The following SLC7A2 variants were observed in gnomAD, a reference collection of about 807,000 sequenced individuals.
SLC7A2 encodes the protein solute carrier family 7 member 2, also known as cationic amino acid transporter 2.
A neutral mutation model predicts 58.9 loss-of-function variants in SLC7A2; 48 were observed. The observed-to-expected ratio is 0.82, with a 90% CI of 0.65 to 1.04. The LOEUF (loss-of-function observed/expected upper bound fraction) is 1.04. Among genes scored for constraint, SLC7A2 ranks in the 50% least tolerant of loss-of-function variants. The probability of loss-of-function intolerance (pLI) is 0.00; values close to 1 mark genes in which losing one functional copy is unlikely to be tolerated. For missense variants in SLC7A2, 1,029 were observed against 818.8 expected (o/e 1.26, Z -3.13); for synonymous variants, 363 against 314.5 (o/e 1.15, Z -1.63).
At chr8:17,503,826 C>A (rs1189555948) in intron 2 of SLC7A2, among the ~76,000 whole-genome samples, 1 of 152,104 alleles carries the variant, frequency 6.6e-6, no homozygotes, top group Non-Finnish European at 1.5e-5. Context: ...AATTCACCAG[C>A]AAGTTTTAAG....
intron 2 of SLC7A2, among the ~76,000 whole-genome samples, chr8:17,506,991 C>G (rs1452588957): frequency 6.8e-6 from 1 of 148,040 alleles, no homozygotes; most frequent in African/African-American, 2.5e-5. Flanking sequence ...TGTTGCCAGG[C>G]TGGAGTGCAA....
chr8:17,545,392 T>C (rs1401601301), intron 4 of SLC7A2, among the ~76,000 whole-genome samples: 1 of 150,918 alleles, frequency 6.6e-6, no homozygotes, highest in Admixed American at 6.6e-5. Context: ...TTTTAACTAT[T>C]TGAACATTTT....
rs1803431749 is a variant in SLC7A2, at chr8:17,569,827, T to G, written c.*4681T>G. 6.6e-6 allele frequency: 1 copy of G among 152,190 alleles called. No homozygotes were observed. Among genetic ancestry groups the G allele is most frequent in the Non-Finnish European group, 1.5e-5 (1 of 68,060 alleles). The allele number at this position is 152,190 out of a possible 1,614,324, so 9.4% of individuals were successfully genotyped here. On this transcript the variant is annotated 3_prime_UTR_variant, in exon 13 of 13. Transcript: ENST00000494857. Reference sequence around the variant, plus strand: ...TCGCTGGGTCTTAAAGAGCTTTCCCTAGCCACTGACAGCCCCGTGGAGATC... The same window carrying G: ...TCGCTGGGTCTTAAAGAGCTTTCCCGAGCCACTGACAGCCCCGTGGAGATC...
In SLC7A2 at chr8:17,568,110, T is replaced by G. The variant is rs558122140; in HGVS notation, c.*2964T>G. 1.1e-4 allele frequency: 16 copies of G among 152,284 alleles called. No homozygotes were observed. The South Asian group carries it at 3.3e-3, about 32-fold the overall frequency. The allele number at this position is 152,284 out of a possible 1,614,324, so 9.4% of individuals were successfully genotyped here. ...ATTATATAAAGTCTTCTCCAGTAATTAAGAAATACATATGCAAATTCTTTT... is the reference window on the plus strand; with the variant it reads ...ATTATATAAAGTCTTCTCCAGTAATGAAGAAATACATATGCAAATTCTTTT... On this transcript the variant is annotated 3_prime_UTR_variant, in exon 13 of 13. Transcript: ENST00000494857.
Position 17,551,874 on chromosome 8 carries a change from C to A in SLC7A2, c.943C>A (p.Pro315Thr), listed in dbSNP as rs1173202317. The A allele has an allele frequency of 1.2e-6, 2 of 1,613,800 alleles. No individual in the cohort carries two copies. The highest frequency in any genetic ancestry group is 4.5e-5 in the East Asian group (2 of 44,816). Residue 315 changes from proline (P) to threonine (T), a missense_variant, in exon 7 of 13, where the codon CCG (proline) becomes ACG (threonine). Physicochemically the swap from Pro to Thr is conservative, Grantham distance 38. Transcript: ENST00000494857. ...CTCTGCAGCTTTAACACTTATGATG[C>A]CGTACTACCTCCTCGATGAAAAAAG... ...GVSAALTLMM[P>T]YYLLDEKSPL...
chr8:17,541,111 G>A (rs1801893713), intron 2 of SLC7A2, among the ~76,000 whole-genome samples: 1 of 152,092 alleles, frequency 6.6e-6, no homozygotes, highest in Admixed American at 6.5e-5. Flanking sequence ...TTTTCAGTTG[G>A]CAGTGGTTCC....
At chr8:17,537,134 G>A (rs1435345275) in intron 2 of SLC7A2, among the ~76,000 whole-genome samples, 6 of 152,158 alleles carry the variant, frequency 3.9e-5, no homozygotes, top group East Asian at 1.9e-4. Flanking sequence ...TTGGCTCACC[G>A]CAACCTCTGC....
intron 2 of SLC7A2, among the ~76,000 whole-genome samples, chr8:17,514,939 C>T (rs997153491): frequency 2.0e-5 from 3 of 152,088 alleles, no homozygotes; most frequent in Non-Finnish European, 4.4e-5. Context: ...GATAAAACAG[C>T]GTTTCATTTC....
In SLC7A2 at chr8:17,566,712, C is replaced by G. The variant is rs1803281730; in HGVS notation, c.*1566C>G. 2 of 152,030 alleles carry G rather than the reference C, an allele frequency of 1.3e-5. No homozygotes were observed. The highest frequency in any genetic ancestry group is 6.5e-5 in the Admixed American group (1 of 15,268). The allele number at this position is 152,030 out of a possible 1,614,324, so 9.4% of individuals were successfully genotyped here. ...AAGATTCTCTAATTGTCATATTTTA[C>G]TTTTTAGGATTCCCTAATAGTGGAC... On this transcript the variant is annotated 3_prime_UTR_variant, in exon 13 of 13. Coordinates refer to ENST00000494857, the MANE Select transcript of SLC7A2 (RefSeq NM_001370338.1).
intron 2 of SLC7A2, among the ~76,000 whole-genome samples, chr8:17,537,433 C>T (rs538509524): frequency 3.0e-4 from 46 of 152,270 alleles, no homozygotes; most frequent in African/African-American, 1.1e-3. Flanking sequence ...CTTCAGCCTG[C>T]ACTAGACCAT....
At chr8:17,539,872 T>C (rs912848498) in intron 2 of SLC7A2, among the ~76,000 whole-genome samples, 3 of 152,208 alleles carry the variant, frequency 2.0e-5, no homozygotes, top group African/African-American at 7.2e-5. Context: ...GGGATGTTTT[T>C]CTTGGGCAGT....
chr8:17,532,232 A>AAAAAAAAAAAC (rs1289577218), intron 2 of SLC7A2, among the ~76,000 whole-genome samples: 30 of 36,928 alleles, frequency 8.1e-4, no homozygotes, highest in Non-Finnish European at 1.1e-3. Context: ...TCTATCTCAA[A>AAAAAAAAAAAC]AAAAAAAAAA....
intron 10 of SLC7A2, among the ~76,000 whole-genome samples, chr8:17,560,847 A>G (rs1046392001): frequency 1.3e-4 from 20 of 152,224 alleles, no homozygotes; most frequent in African/African-American, 3.1e-4. Context: ...ACCCCTGCCA[A>G]TAACCTGACT....
chr8:17,535,376 C>G (rs1294800910), intron 2 of SLC7A2, among the ~76,000 whole-genome samples: 1 of 152,114 alleles, frequency 6.6e-6, no homozygotes, highest in East Asian at 1.9e-4. Flanking sequence ...GAAGACCTCT[C>G]TAACTACCTG....
chr8:17,526,023 A>AT (rs1248973175), intron 2 of SLC7A2, among the ~76,000 whole-genome samples: 2 of 152,154 alleles, frequency 1.3e-5, no homozygotes, highest in African/African-American at 2.4e-5. Flanking sequence ...TATACCCTAG[A>AT]TTTTTAAAAA....
Position 17,554,611 on chromosome 8 carries a change from G to T in SLC7A2, c.1107G>T (p.Glu369Asp), listed in dbSNP as rs768042042. ...PMPRVIYAMAEDGLLFKCLAQ... is the reference protein window; with the variant it reads ...PMPRVIYAMADDGLLFKCLAQ... Reference sequence around the variant, plus strand: ...CTCGTGTAATCTATGCTATGGCGGAGGATGGGTTGCTTTTCAAATGTCTAG... The same window carrying T: ...CTCGTGTAATCTATGCTATGGCGGATGATGGGTTGCTTTTCAAATGTCTAG... Residue 369 changes from glutamate (E) to aspartate (D), a missense_variant, in exon 8 of 13, where the codon GAG becomes GAT. Glu to Asp is a conservative substitution (Grantham distance 45). Coordinates refer to ENST00000494857, the MANE Select transcript of SLC7A2 (RefSeq NM_001370338.1). 1 of 1,613,424 alleles carries T rather than the reference G, an allele frequency of 6.2e-7. No individual in the cohort carries two copies. Among genetic ancestry groups the T allele is most frequent in the Non-Finnish European group, 8.5e-7 (1 of 1,179,846 alleles).
chr8:17,514,082 A>G (rs972901906), intron 2 of SLC7A2, among the ~76,000 whole-genome samples: 1 of 152,210 alleles, frequency 6.6e-6, no homozygotes, highest in Non-Finnish European at 1.5e-5. Flanking sequence ...GTATATGGTC[A>G]GCCCTTATTG....
chr8:17,534,561 T>C (rs748254838), intron 2 of SLC7A2, among the ~76,000 whole-genome samples: 1 of 152,236 alleles, frequency 6.6e-6, no homozygotes, highest in South Asian at 2.1e-4. Context: ...TCATGCCAAA[T>C]ATTACTCTGT....
intron 2 of SLC7A2, among the ~76,000 whole-genome samples, chr8:17,527,635 G>A (rs565091598): frequency 7.9e-5 from 12 of 152,222 alleles, no homozygotes; most frequent in Middle Eastern, 3.4e-3. Flanking sequence ...TCTGGTTGTG[G>A]CCATCCATCT....
Sources: allele counts gnomAD v4.1 joint callset (sites outside exome capture counted in the v4.1 genomes callset), GRCh38; gene constraint gnomAD v4.1.1; transcripts MANE v1.5; gene names NCBI Gene and HGNC (gene_info 2026-07-23, HGNC 2026-07-21).